FGD2: variants seen among roughly 807,000 people sequenced by gnomAD.
FGD2 encodes the protein FYVE, RhoGEF and PH domain containing 2, also known as FYVE, RhoGEF and PH domain-containing protein 2.
A neutral mutation model predicts 75.9 loss-of-function variants in FGD2; 52 were observed. The ratio of observed to expected loss-of-function variants is 0.69; its 90% CI spans 0.55 to 0.86. The LOEUF is 0.86. Among genes scored for constraint, FGD2 ranks in the 40% least tolerant of loss-of-function variants. FGD2 has a pLI of 0.00. For missense variants in FGD2, 790 were observed against 872.0 expected (o/e 0.91, Z 1.18); for synonymous variants, 347 against 348.6 (o/e 1.00, Z 0.05).
intron 12 of FGD2, 170 bp downstream of exon 12, chr6:37,021,774 C>A: frequency 1.6e-6 from 1 of 624,252 alleles, no homozygotes; most frequent in Non-Finnish European, 2.7e-6. Flanking sequence ...AGGGCCTGAG[C>A]ATTCCCCTTT....
At chr6:37,016,260 G>A (rs1202122512) in intron 9 of FGD2, among the ~76,000 whole-genome samples, 1 of 152,094 alleles carries the variant, frequency 6.6e-6, no homozygotes, top group Non-Finnish European at 1.5e-5. Flanking sequence ...AGTTAAGATG[G>A]GCTGACAACT....
At chr6:37,020,853 T>A in intron 11 of FGD2, 114 bp downstream of exon 11, 1 of 1,427,446 alleles carries the variant, frequency 7.0e-7, no homozygotes. Context: ...CCCTAGCCTA[T>A]TTGGGCTGAA....
At chr6:37,026,069 C>T (rs1317123207) in intron 14 of FGD2, 131 bp downstream of exon 14, 3 of 1,466,150 alleles carry the variant, frequency 2.0e-6, no homozygotes, top group Non-Finnish European at 2.7e-6. Flanking sequence ...CCCCCTCTCC[C>T]TCTTCCTCTC....
At chr6:37,027,618 C>T (rs767304523) in intron 15 of FGD2, 43 bp downstream of exon 15, 7 of 1,610,324 alleles carry the variant, frequency 4.3e-6, no homozygotes, top group Non-Finnish European at 5.9e-6. Context: ...CCCTGGCCTT[C>T]CCACAGCGTG....
intron 1 of FGD2, 72 bp downstream of exon 1, chr6:37,005,957 C>T (rs1288340696): frequency 1.3e-6 from 2 of 1,547,860 alleles, no homozygotes; most frequent in South Asian, 1.2e-5. Flanking sequence ...TGGCAGCTCT[C>T]TCCCTGGGCC....
chr6:37,013,875 C>G lies in FGD2; in HGVS notation c.685-87C>G. ...CCAGGCTCAGCTGCTTCCATAGGCCCCTGCCTACTCGTCCGGCCCTCAGGA... is the reference window on the plus strand; with the variant it reads ...CCAGGCTCAGCTGCTTCCATAGGCCGCTGCCTACTCGTCCGGCCCTCAGGA... On this transcript the variant is annotated intron_variant, in intron 5 of 15. Coordinates refer to ENST00000274963, the MANE Select transcript of FGD2 (RefSeq NM_173558.4). 4 of 1,583,204 alleles carry G rather than the reference C, an allele frequency of 2.5e-6. No individual in the cohort carries two copies. In the South Asian group the frequency reaches 4.7e-5, roughly 18 times the overall value.
chr6:37,025,647 C>T, intron 13 of FGD2, 145 bp from the exon 14 acceptor site: 6 of 818,760 alleles, frequency 7.3e-6, no homozygotes, highest in Admixed American at 4.6e-5. Flanking sequence ...GGAGCATCCC[C>T]GCTCTGCCTC....
In FGD2 at chr6:37,022,329, G is replaced by T; in HGVS notation, c.1417G>T (p.Ala473Ser). 6.3e-7 allele frequency: 1 copy of T among 1,588,146 alleles called. No homozygotes were observed. Among genetic ancestry groups the T allele is most frequent in the African/African-American group, 1.4e-5 (1 of 72,874 alleles). Residue 473 changes from alanine to serine, a missense_variant, in exon 13 of 16, where the codon GCT (alanine) becomes TCT (serine). Physicochemically the swap from Ala to Ser is moderately conservative, Grantham distance 99. Transcript: ENST00000274963. ...MCMRCQEPFN[A>S]LTRRRHHCRA... Reference sequence around the variant, plus strand: ...CATGCGCTGCCAGGAGCCCTTCAACGCTCTGACGCGCCGTCGCCACCACTG... The same window carrying T: ...CATGCGCTGCCAGGAGCCCTTCAACTCTCTGACGCGCCGTCGCCACCACTG...
At chr6:37,018,499 T>C (rs1037109468) in intron 9 of FGD2, among the ~76,000 whole-genome samples, 1 of 152,198 alleles carries the variant, frequency 6.6e-6, no homozygotes, top group African/African-American at 2.4e-5. Context: ...GGCCTCCTCC[T>C]TCCTAGGTGT....
At position 37,011,014 on chromosome 6, in the gene FGD2, G is replaced by A. The variant is rs201342209; in HGVS notation, c.342G>A (p.Glu114=). ...TCGTCCAGGAGCTGCTGGAGACAGAGCAGGCCTATGTGGCGCGCCTCCACC... is the reference window on the plus strand; with the variant it reads ...TCGTCCAGGAGCTGCTGGAGACAGAACAGGCCTATGTGGCGCGCCTCCACC... ...KKIVQELLET[E]QAYVARLHLL... Residue 114 remains glutamate (E), a synonymous_variant, in exon 3 of 16, where the codon GAG becomes GAA. Coordinates refer to ENST00000274963, the MANE Select transcript of FGD2 (RefSeq NM_173558.4). 4 of 1,613,984 alleles carry A rather than the reference G, an allele frequency of 2.5e-6. No individual in the cohort carries two copies. In the African/African-American group the frequency reaches 4.0e-5, roughly 16 times the overall value.
Position 37,027,474 on chromosome 6 carries a change from C to A in FGD2, c.1651C>A (p.Leu551Met). The A allele has an allele frequency of 6.2e-7, 1 of 1,614,002 alleles. No homozygotes were observed. The highest frequency in any genetic ancestry group is 8.5e-7 in the Non-Finnish European group (1 of 1,179,914). The change falls in exon 15 of 16, where the codon CTG (leucine) becomes ATG (methionine). Residue 551 changes from leucine (L) to methionine (M), a missense_variant. By Grantham distance (15) the Leu-to-Met change is conservative. Transcript: ENST00000274963. ...TGACCAGAGCCTGATGTGCAGCTTC[C>A]TGCAGCTCATCGGGGACAAGTGGGG... ...TPDQSLMCSF[L>M]QLIGDKWGKS...
At chr6:37,026,140 T>G (rs1379481145) in intron 14 of FGD2, 41 of 985,200 alleles carry the variant, frequency 4.2e-5, no homozygotes, top group Non-Finnish European at 4.9e-5. Flanking sequence ...TGTCACCAAA[T>G]GGAGGCACCC....
intron 9 of FGD2, among the ~76,000 whole-genome samples, chr6:37,016,515 G>A (rs1381878299): frequency 6.7e-5 from 10 of 149,766 alleles, no homozygotes; most frequent in African/African-American, 2.5e-4. Context: ...ATGATGCAGG[G>A]GCTGTTAGAA....
At chr6:37,009,202 G>C in intron 2 of FGD2, 137 bp downstream of exon 2, 1 of 776,634 alleles carries the variant, frequency 1.3e-6, no homozygotes, top group Non-Finnish European at 2.0e-6. Context: ...TCAGCTGGGA[G>C]CTAGATTTCC....
chr6:37,027,845 T>C, intron 15 of FGD2, 103 bp from the exon 16 acceptor site: 1 of 1,305,514 alleles, frequency 7.7e-7, no homozygotes, highest in Admixed American at 2.1e-5. Context: ...CCATGGGGGT[T>C]TAGGGTGTGA....
Position 37,011,768 on chromosome 6 carries a change from C to T in FGD2, c.441C>T (p.Val147=), listed in dbSNP as rs756263235. ...RSSKAFPEDV[V]RVIFSNISSI... The stretch of plus-strand genomic sequence containing the variant: ...GCAAGGCCTTCCCAGAGGATGTGGT[C>T]AGGGTCATCTTCTCCAACATCTCCT... Residue 147 remains valine (V), a synonymous_variant, in exon 4 of 16, where the codon GTC becomes GTT. Coordinates refer to ENST00000274963, the MANE Select transcript of FGD2 (RefSeq NM_173558.4). 4.3e-6 allele frequency: 7 copies of T among 1,614,154 alleles called. No individual in the cohort carries two copies. In the South Asian group the frequency reaches 6.6e-5, roughly 15 times the overall value.
At chr6:37,026,637 TC>T (rs1765834027) in intron 14 of FGD2, among the ~76,000 whole-genome samples, 1 of 151,972 alleles carries the variant, frequency 6.6e-6, no homozygotes, top group Non-Finnish European at 1.5e-5. Flanking sequence ...CAGGTTGACA[TC>T]CCACCGTCCC....
intron 14 of FGD2, 114 bp downstream of exon 14, chr6:37,026,052 C>T: frequency 6.7e-7 from 1 of 1,484,666 alleles, no homozygotes; most frequent in East Asian, 2.5e-5. Flanking sequence ...GCCATGGTCA[C>T]ACCCTCCCCC....
At position 37,021,547 on chromosome 6, in the gene FGD2, G is replaced by T; in HGVS notation, c.1269G>T (p.Arg423=). 1 of 1,614,038 alleles carries T rather than the reference G, an allele frequency of 6.2e-7. No individual in the cohort carries two copies. The highest frequency in any genetic ancestry group is 8.5e-7 in the Non-Finnish European group (1 of 1,179,950). ...FQAAIDQIEK[R]NETFKAAAQG... is the part of the protein sequence containing the mutation. The stretch of plus-strand genomic sequence containing the variant: ...CAGCCATTGACCAAATCGAGAAGCG[G>T]AATGAAACCTTCAAGGCTGCGGCCC... Residue 423 remains arginine (R), a synonymous_variant, in exon 12 of 16, where the codon CGG becomes CGT. Coordinates refer to ENST00000274963, the MANE Select transcript of FGD2 (RefSeq NM_173558.4).
Sources: gnomAD v4.1 joint callset for allele counts (sites outside exome capture counted in the v4.1 genomes callset) on GRCh38, gnomAD v4.1.1 for gene constraint, MANE v1.5 for transcripts, NCBI Gene and HGNC (gene_info 2026-07-23, HGNC 2026-07-21) for gene names.